Variants in SLCO1C1 observed in about 807,000 individuals in gnomAD.
SLCO1C1 encodes the protein solute carrier organic anion transporter family member 1C1.
A neutral mutation model predicts 76.4 loss-of-function variants in SLCO1C1; 70 were observed. The ratio of observed to expected loss-of-function variants is 0.92; its 90% CI spans 0.76 to 1.12. The LOEUF (loss-of-function observed/expected upper bound fraction) is 1.12, where lower values mean the gene tolerates loss of function less well. Among genes scored for constraint, SLCO1C1 ranks in the 50% most tolerant of loss-of-function variants. The pLI, the probability that SLCO1C1 is intolerant of heterozygous loss-of-function variation, is 0.00. For missense variants in SLCO1C1, 912 were observed against 823.8 expected, an observed-to-expected ratio of 1.11 and a Z score of -1.31; for synonymous variants, 306 against 286.1, an observed-to-expected ratio of 1.07 and a Z score of -0.70.
chr12:20,696,021 T>A (rs1946249529), intron 1 of SLCO1C1, among the ~76,000 whole-genome samples: 4 of 152,104 alleles, frequency 2.6e-5, no homozygotes, highest in Admixed American at 1.3e-4. Flanking sequence ...GTCTCATGCT[T>A]ATAAATTGTT....
At chr12:20,706,772 G>A (rs774868987) in intron 4 of SLCO1C1, among the ~76,000 whole-genome samples, 3 of 152,086 alleles carry the variant, frequency 2.0e-5, no homozygotes, top group Non-Finnish European at 2.9e-5. Context: ...TGTAATTATG[G>A]AATCAGAACC....
At chr12:20,727,189 T>C (rs139592766) in intron 9 of SLCO1C1, among the ~76,000 whole-genome samples, 8 of 152,298 alleles carry the variant, frequency 5.3e-5, no homozygotes, top group African/African-American at 1.9e-4. Context: ...TTTGATAGAA[T>C]ACTTTATTTT....
Position 20,717,648 on chromosome 12 carries a change from CTTTTTTTT to C in SLCO1C1, c.775+455_775+462del, listed in dbSNP as rs534946900. 2.9e-3 allele frequency among the ~76,000 whole-genome samples: 121 copies of C among 42,322 alleles called. 1 individual carries two copies. The highest frequency in any genetic ancestry group is 7.5e-3 in the African/African-American group (112 of 14,840). The allele number at this position is 42,322 out of a possible 152,430, so 27.8% of individuals were successfully genotyped here. ...GTCTACTGGCAACCAAACAGCCCTT[CTTTTTTTT>C]TTTTTTTTTTTTTTTTTTTTTTTTT... is the stretch of plus-strand genomic sequence containing the variant. On this transcript the variant is annotated intron_variant, in intron 7 of 14. Transcript: ENST00000266509.
At chr12:20,715,535 C>G (rs117301850) in intron 6 of SLCO1C1, among the ~76,000 whole-genome samples, 2 of 152,164 alleles carry the variant, frequency 1.3e-5, no homozygotes, top group African/African-American at 2.4e-5. Context: ...GCTGCAATGA[C>G]GTATGACCTT....
chr12:20,750,830 A>G, intron 14 of SLCO1C1, 38 bp downstream of exon 14: 1 of 1,613,936 alleles, frequency 6.2e-7, no homozygotes, highest in Non-Finnish European at 8.5e-7. Flanking sequence ...TCATTGCTAC[A>G]GCATCCCAGA....
intron 1 of SLCO1C1, among the ~76,000 whole-genome samples, chr12:20,698,059 A>T (rs1261479710): frequency 6.6e-6 from 1 of 151,994 alleles, no homozygotes; most frequent in Non-Finnish European, 1.5e-5. Flanking sequence ...GTTTTTATCA[A>T]TATAGGTAAT....
Position 20,711,459 on chromosome 12 carries a change from A to G in SLCO1C1, c.478A>G (p.Ser160Gly), listed in dbSNP as rs1947095303. The change falls in exon 5 of 15, where the codon AGT becomes GGT. Residue 160 changes from serine to glycine, a missense_variant. By Grantham distance (56) the Ser-to-Gly change is moderately conservative (BLOSUM62 0). Transcript: ENST00000266509. Reference protein sequence around the residue: ...SISPCLLESSSQLPVSVMEKS... With the variant: ...SISPCLLESSGQLPVSVMEKS... ...CTCTCCGTGTCTCCTAGAGTCAAGCAGTCAATTACCAGTTTCAGTTATGGA... is the reference window on the plus strand; with the variant it reads ...CTCTCCGTGTCTCCTAGAGTCAAGCGGTCAATTACCAGTTTCAGTTATGGA... 6.2e-7 allele frequency: 1 copy of G among 1,613,984 alleles called. No individual in the cohort carries two copies. Among genetic ancestry groups the G allele is most frequent in the African/African-American group, 1.3e-5 (1 of 74,938 alleles).
rs1476161665 is a variant in SLCO1C1, at chr12:20,743,443, C to T, written c.1798+74C>T. ...TTGAAGACTTTTCTAAATATTTTTA[C>T]AGAATTGCCATGCATAAATATATGT... On this transcript the variant is annotated intron_variant, in intron 13 of 14. Transcript: ENST00000266509. 4 of 1,210,714 alleles carry T rather than the reference C, an allele frequency of 3.3e-6. No homozygotes were observed. The African/African-American group carries it at 4.5e-5, about 14-fold the overall frequency. 75.0% of individuals were successfully genotyped at this position (1,210,714 alleles called of 1,614,324 possible).
intron 7 of SLCO1C1, among the ~76,000 whole-genome samples, chr12:20,719,210 C>A (rs538317778): frequency 1.3e-5 from 2 of 151,832 alleles, no homozygotes; most frequent in South Asian, 4.2e-4. Flanking sequence ...CACAATTGTG[C>A]CCATATAAGA....
At position 20,723,677 on chromosome 12, in the gene SLCO1C1, T is replaced by C. The variant is rs553293269; in HGVS notation, c.1186+423T>C. On this transcript the variant is annotated intron_variant, in intron 9 of 14. Coordinates refer to ENST00000266509, the MANE Select transcript of SLCO1C1 (RefSeq NM_017435.5). ...CTTTTCTGACTCCTGGCAACTGAGT[T>C]AGTTCAAAGGGTTGTGTTTCTAGCA... Among the ~76,000 whole-genome samples, 5 of 152,252 alleles carry C rather than the reference T, an allele frequency of 3.3e-5. No individual in the cohort carries two copies. In the South Asian group the frequency reaches 6.2e-4, roughly 19 times the overall value.
intron 2 of SLCO1C1, among the ~76,000 whole-genome samples, chr12:20,700,676 C>T (rs115296014): frequency 0.026 from 3,925 of 151,668 alleles, 148 homozygotes; most frequent in African/African-American, 0.09. Flanking sequence ...CAAATATTCA[C>T]TCAACAAATC....
chr12:20,740,783 T>TATATATATGTATA (rs1406774430), intron 12 of SLCO1C1, among the ~76,000 whole-genome samples: 1 of 53,994 alleles, frequency 1.9e-5, no homozygotes, highest in Non-Finnish European at 3.0e-5. Context: ...AGAATTTATT[T>TATATATATGTATA]TATTTATATA....
At chr12:20,742,458 C>A (rs1009938089) in intron 12 of SLCO1C1, among the ~76,000 whole-genome samples, 2 of 151,880 alleles carry the variant, frequency 1.3e-5, no homozygotes, top group African/African-American at 4.8e-5. Flanking sequence ...TTTCATAGGC[C>A]AATCAGTTTA....
chr12:20,743,352 T>G lies in SLCO1C1; in HGVS notation c.1781T>G (p.Leu594Ter). ...LKSFALGIYT[L>*]AIRVLAGIPA... ...TCTTTTGCCTTGGGTATCTACACAT[T>G]AGCAATAAGAGTTCTTGGTAAGTTT... The change falls in exon 13 of 15, where the codon TTA becomes TGA. Residue 594 changes from leucine (L) to a stop codon, truncating the protein, a stop_gained. Coordinates refer to ENST00000266509, the MANE Select transcript of SLCO1C1 (RefSeq NM_017435.5). LOFTEE classifies it high-confidence loss of function. The G allele has an allele frequency of 6.2e-7, 1 of 1,612,954 alleles. No homozygotes were observed. Among genetic ancestry groups the G allele is most frequent in the Non-Finnish European group, 8.5e-7 (1 of 1,179,336 alleles).
At chr12:20,706,743 T>A (rs1474903523) in intron 4 of SLCO1C1, among the ~76,000 whole-genome samples, 1 of 152,112 alleles carries the variant, frequency 6.6e-6, no homozygotes, top group East Asian at 1.9e-4. Context: ...TTTGATGACT[T>A]TTGTAAATTT....
chr12:20,732,806 T>C lies in SLCO1C1; in HGVS notation c.1187-103T>C, dbSNP rs1023923426. 2.5e-5 allele frequency: 30 copies of C among 1,197,898 alleles called. No individual in the cohort carries two copies. In the African/African-American group the frequency reaches 3.8e-4, roughly 15 times the overall value. 74.2% of individuals were successfully genotyped at this position (1,197,898 alleles called of 1,614,324 possible). ...TATGTCAGTAGATGATAGTGACTAT[T>C]TCTATAATTTAAAGTGACAAAATAG... is the stretch of plus-strand genomic sequence containing the variant. On this transcript the variant is annotated intron_variant, in intron 9 of 14. Coordinates refer to ENST00000266509, the MANE Select transcript of SLCO1C1 (RefSeq NM_017435.5).
chr12:20,709,023 CACTG>C (rs1946923458), intron 4 of SLCO1C1, among the ~76,000 whole-genome samples: 1 of 152,150 alleles, frequency 6.6e-6, no homozygotes, highest in Admixed American at 6.5e-5. Context: ...TAATGGATTA[CACTG>C]ACTGCTGCTT....
intron 2 of SLCO1C1, among the ~76,000 whole-genome samples, chr12:20,700,588 T>TC (rs1037703406): frequency 5.3e-5 from 8 of 152,010 alleles, no homozygotes; most frequent in Middle Eastern, 3.4e-3. Context: ...CCTAATGCTG[T>TC]CCCTCCCCGC....
intron 1 of SLCO1C1, among the ~76,000 whole-genome samples, chr12:20,697,866 A>C (rs1379243505): frequency 3.3e-5 from 5 of 152,030 alleles, no homozygotes; most frequent in African/African-American, 1.2e-4. Flanking sequence ...TGTTACCAAG[A>C]TAATGTTATT....
Sources: gnomAD v4.1 joint callset for allele counts (sites outside exome capture counted in the v4.1 genomes callset) on GRCh38, gnomAD v4.1.1 for gene constraint, MANE v1.5 for transcripts, NCBI Gene and HGNC (gene_info 2026-07-23, HGNC 2026-07-21) for gene names.